Variants in SIX4 observed in about 807,000 individuals in gnomAD.
SIX4 encodes the protein SIX homeobox 4, also known as homeobox protein SIX4.
In SIX4, 23 loss-of-function variants were observed where a neutral mutation model predicts 51.5. The ratio of observed to expected loss-of-function variants is 0.45; its 90% CI spans 0.32 to 0.63. The LOEUF is 0.63. Among genes scored for constraint, SIX4 ranks in the 30% least tolerant of loss-of-function variants. SIX4 has a pLI of 0.04. For missense variants in SIX4, 867 were observed against 984.0 expected (o/e 0.88, Z 1.59); for synonymous variants, 413 against 417.3 (o/e 0.99, Z 0.13).
In SIX4 at chr14:60,712,961, A is replaced by G. The variant is rs998436184; in HGVS notation, c.*446T>C. On this transcript the variant is annotated 3_prime_UTR_variant, in exon 3 of 3. Coordinates refer to ENST00000216513, the MANE Select transcript of SIX4 (RefSeq NM_017420.5). Reference sequence around the variant, plus strand: ...ATGCTACTTAACTTTAAAAATATGTACCATTTATGTTTCTTAACCTTTTCA... The same window carrying G: ...ATGCTACTTAACTTTAAAAATATGTGCCATTTATGTTTCTTAACCTTTTCA... 1 of 154,940 alleles carries G rather than the reference A, an allele frequency of 6.5e-6. No homozygotes were observed. The highest frequency in any genetic ancestry group is 6.4e-5 in the Admixed American group (1 of 15,546). 9.6% of individuals were successfully genotyped at this position (154,940 alleles called of 1,614,324 possible). A position where few individuals can be genotyped will look rare whatever the true frequency, so the allele number is the denominator to read the frequency against.
chr14:60,716,163 C>T (rs1895917086), intron 2 of SIX4, among the ~76,000 whole-genome samples: 1 of 151,816 alleles, frequency 6.6e-6, no homozygotes, highest in African/African-American at 2.4e-5. Flanking sequence ...TCACTGCAGC[C>T]TCGATCTCCT....
chr14:60,720,270 C>T lies in SIX4; in HGVS notation c.1039G>A (p.Gly347Arg). ...GNAKISLSSSGVLLNGSLVPA... is the reference protein window; with the variant it reads ...GNAKISLSSSRVLLNGSLVPA... ...ACCAAGCTTCCATTCAACAGAACTC[C>T]AGAAGAGCTTAATGATATCTTAGCA... Residue 347 changes from glycine (G) to arginine (R), a missense_variant, in exon 2 of 3, where the codon GGA becomes AGA. Gly to Arg is a moderately radical substitution (Grantham distance 125). Transcript: ENST00000216513. The surrounding 1 kb of genome is among the most constrained non-coding windows in gnomAD (Gnocchi z 5.5). 1 of 1,614,150 alleles carries T rather than the reference C, an allele frequency of 6.2e-7. No individual in the cohort carries two copies. The highest frequency in any genetic ancestry group is 1.1e-5 in the South Asian group (1 of 91,078).
In SIX4 at chr14:60,713,676, C is replaced by T; in HGVS notation, c.2077G>A (p.Glu693Lys). 1 of 1,614,208 alleles carries T rather than the reference C, an allele frequency of 6.2e-7. No homozygotes were observed. The highest frequency in any genetic ancestry group is 1.1e-5 in the South Asian group (1 of 91,082). Residue 693 changes from glutamate (E) to lysine (K), a missense_variant, in exon 3 of 3, where the codon GAA (glutamate) becomes AAA (lysine). By Grantham distance (56) the Glu-to-Lys change is moderately conservative. Coordinates refer to ENST00000216513, the MANE Select transcript of SIX4 (RefSeq NM_017420.5). ...AALGEIVPTA[E>K]DQVGHPSPAV... ...GGGGAGGGGTGACCTACCTGATCTT[C>T]AGCTGTAGGAACTATTTCCCCAAGG...
rs754956376 is a variant in SIX4, at chr14:60,720,237, T to C, written c.1072A>G (p.Ser358Gly). 2.5e-6 allele frequency: 4 copies of C among 1,614,224 alleles called. No individual in the cohort carries two copies. The highest frequency in any genetic ancestry group is 3.4e-6 in the Non-Finnish European group (4 of 1,180,034). ...CCATTAAGGAAGACAGGTGAAGTACTTGCAGGTACCAAGCTTCCATTCAAC... is the reference window on the plus strand; with the variant it reads ...CCATTAAGGAAGACAGGTGAAGTACCTGCAGGTACCAAGCTTCCATTCAAC... Reference protein sequence around the residue: ...VLLNGSLVPASTSPVFLNGNS... With the variant: ...VLLNGSLVPAGTSPVFLNGNS... The change falls in exon 2 of 3, where the codon AGT (serine) becomes GGT (glycine). Residue 358 changes from serine (S) to glycine (G), a missense_variant. By Grantham distance (56) the Ser-to-Gly change is moderately conservative. Transcript: ENST00000216513. The surrounding 1 kb of genome is among the most constrained non-coding windows in gnomAD (Gnocchi z 5.5).
Position 60,724,291 on chromosome 14 carries a change from G to A in SIX4, c.-217C>T. On this transcript the variant is annotated 5_prime_UTR_variant, in exon 1 of 3. Coordinates refer to ENST00000216513, the MANE Select transcript of SIX4 (RefSeq NM_017420.5). ...GCTGTTAGAGCAAAGTAGTGTAAACGGATAGCTGCTTTCTGCCGTTCCCCC... is the reference window on the plus strand; with the variant it reads ...GCTGTTAGAGCAAAGTAGTGTAAACAGATAGCTGCTTTCTGCCGTTCCCCC... 1.3e-6 allele frequency: 2 copies of A among 1,526,024 alleles called. No individual in the cohort carries two copies. Among genetic ancestry groups the A allele is most frequent in the Non-Finnish European group, 1.8e-6 (2 of 1,140,862 alleles). 94.5% of individuals were successfully genotyped at this position (1,526,024 alleles called of 1,614,324 possible).
intron 2 of SIX4, among the ~76,000 whole-genome samples, chr14:60,714,725 G>A (rs1895889646): frequency 6.6e-6 from 1 of 151,382 alleles, no homozygotes; most frequent in Non-Finnish European, 1.5e-5. Context: ...GAGTGCAGTG[G>A]AGCGATCTCG....
chr14:60,710,832 G>A lies in SIX4; in HGVS notation c.*2575C>T, dbSNP rs1388681435. On this transcript the variant is annotated 3_prime_UTR_variant, in exon 3 of 3. Coordinates refer to ENST00000216513, the MANE Select transcript of SIX4 (RefSeq NM_017420.5). The stretch of plus-strand genomic sequence containing the variant: ...CATTGATTCTTACCTGGTATATTGT[G>A]TAGCTACCTGAAGTAATTGTAGGGT... 1 of 152,506 alleles carries A rather than the reference G, an allele frequency of 6.6e-6. No homozygotes were observed. The highest frequency in any genetic ancestry group is 2.4e-5 in the African/African-American group (1 of 41,406). 9.4% of individuals were successfully genotyped at this position (152,506 alleles called of 1,614,324 possible).
In SIX4 at chr14:60,724,098, T is replaced by C. The variant is rs753666382; in HGVS notation, c.-24A>G. 15 of 1,571,590 alleles carry C rather than the reference T, an allele frequency of 9.5e-6. No individual in the cohort carries two copies. Among genetic ancestry groups the C allele is most frequent in the African/African-American group, 1.4e-5 (1 of 73,610 alleles). ...ATTTTTTGTTGTTTATTTTCCTCCC[T>C]CCCTCACTCCCTCGCACTCTTTTCC... On this transcript the variant is annotated 5_prime_UTR_variant, in exon 1 of 3. Transcript: ENST00000216513.
At chr14:60,721,257 G>T in intron 1 of SIX4, 34 of 534,140 alleles carry the variant, frequency 6.4e-5, no homozygotes, top group East Asian at 1.5e-4. Flanking sequence ...TCAGCTCTCT[G>T]ACTTGGGAGA....
At position 60,724,258 on chromosome 14, in the gene SIX4, T is replaced by C; in HGVS notation, c.-184A>G. 1 of 1,534,972 alleles carries C rather than the reference T, an allele frequency of 6.5e-7. No individual in the cohort carries two copies. The highest frequency in any genetic ancestry group is 8.7e-7 in the Non-Finnish European group (1 of 1,146,658). On this transcript the variant is annotated 5_prime_UTR_variant, in exon 1 of 3. An upstream start codon of the reference 5' UTR is lost. Coordinates refer to ENST00000216513, the MANE Select transcript of SIX4 (RefSeq NM_017420.5). ...TTTCCCCCCGGCCACGCAGTCACCATTAAGATAGCTGTTAGAGCAAAGTAG... is the reference window on the plus strand; with the variant it reads ...TTTCCCCCCGGCCACGCAGTCACCACTAAGATAGCTGTTAGAGCAAAGTAG...
At position 60,722,522 on chromosome 14, in the gene SIX4, A is replaced by G. The variant is rs531554144; in HGVS notation, c.863+690T>C. The stretch of plus-strand genomic sequence containing the variant: ...GGAGTTCAGAATCAGGTTTCAAAAC[A>G]TGACAGAGCCGAGCTGCACCAGCAC... On this transcript the variant is annotated intron_variant, in intron 1 of 2. Transcript: ENST00000216513. The surrounding 1 kb of genome is among the most constrained non-coding windows in gnomAD (Gnocchi z 5.9). Among the ~76,000 whole-genome samples, 4 of 152,258 alleles carry G rather than the reference A, an allele frequency of 2.6e-5. No individual in the cohort carries two copies. Among genetic ancestry groups the G allele is most frequent in the Admixed American group, 1.3e-4 (2 of 15,300 alleles).
rs1251610104 is a variant in SIX4 at position 60,711,930 on chromosome 14, A to G, written c.*1477T>C. 6.6e-6 allele frequency: 1 copy of G among 152,606 alleles called. No individual in the cohort carries two copies. Among genetic ancestry groups the G allele is most frequent in the Non-Finnish European group, 1.5e-5 (1 of 68,034 alleles). 9.5% of individuals were successfully genotyped at this position (152,606 alleles called of 1,614,324 possible). ...TTACTCACTACATAAATTTATTTGC[A>G]TTGTTACATCTTGTGTTCAGAGTCT... is the stretch of plus-strand genomic sequence containing the variant. On this transcript the variant is annotated 3_prime_UTR_variant, in exon 3 of 3. Coordinates refer to ENST00000216513, the MANE Select transcript of SIX4 (RefSeq NM_017420.5).
rs1327046942 is a variant in SIX4 at position 60,711,485 on chromosome 14, A to T, written c.*1922T>A. 1 of 148,160 alleles carries T rather than the reference A, an allele frequency of 6.7e-6. No individual in the cohort carries two copies. The highest frequency in any genetic ancestry group is 2.5e-5 in the African/African-American group (1 of 40,568). The allele number at this position is 148,160 out of a possible 1,614,324, so 9.2% of individuals were successfully genotyped here. On this transcript the variant is annotated 3_prime_UTR_variant, in exon 3 of 3. Coordinates refer to ENST00000216513, the MANE Select transcript of SIX4 (RefSeq NM_017420.5). ...AGAGTGGGCCCTTTGTTCTGATCAT[A>T]AAAAAAAAAGCAAGATGTGGCCAGG...
chr14:60,716,855 T>C (rs1193096107), intron 2 of SIX4, among the ~76,000 whole-genome samples: 1 of 152,222 alleles, frequency 6.6e-6, no homozygotes, highest in Non-Finnish European at 1.5e-5. Flanking sequence ...TGCAAAGGAA[T>C]GTCTTCAAGT....
At chr14:60,716,050 G>C (rs911613578) in intron 2 of SIX4, among the ~76,000 whole-genome samples, 1 of 151,810 alleles carries the variant, frequency 6.6e-6, no homozygotes, top group Non-Finnish European at 1.5e-5. Flanking sequence ...AGTTTTAGTA[G>C]AGATGGGGTT....
rs1367310547 is a variant in SIX4 at position 60,719,594 on chromosome 14, T to C, written c.1549+166A>G. On this transcript the variant is annotated intron_variant, in intron 2 of 2. Coordinates refer to ENST00000216513, the MANE Select transcript of SIX4 (RefSeq NM_017420.5). The surrounding 1 kb of genome is among the most constrained non-coding windows in gnomAD (Gnocchi z 4.9). ...GGAATAAAGCAACCTGGATATGACA[T>C]GGGTATTGTGAAAGAGGAGAATCAC... 6.6e-6 allele frequency among the ~76,000 whole-genome samples: 1 copy of C among 152,128 alleles called. No homozygotes were observed. Among genetic ancestry groups the C allele is most frequent in the Non-Finnish European group, 1.5e-5 (1 of 68,016 alleles).
At position 60,719,431 on chromosome 14, in the gene SIX4, A is replaced by T. The variant is rs1402858691; in HGVS notation, c.1549+329T>A. 6.6e-6 allele frequency among the ~76,000 whole-genome samples: 1 copy of T among 152,228 alleles called. No individual in the cohort carries two copies. The highest frequency in any genetic ancestry group is 2.4e-5 in the African/African-American group (1 of 41,452). ...AATTTTATTAATTTTTAATATTAAA[A>T]TGCCAAGCAGTGAGTTATTTTGTAA... On this transcript the variant is annotated intron_variant, in intron 2 of 2. Coordinates refer to ENST00000216513, the MANE Select transcript of SIX4 (RefSeq NM_017420.5). The surrounding 1 kb of genome is among the most constrained non-coding windows in gnomAD (Gnocchi z 4.9).
At chr14:60,721,719 A>G (rs1896024101) in intron 1 of SIX4, among the ~76,000 whole-genome samples, 1 of 152,062 alleles carries the variant, frequency 6.6e-6, no homozygotes, top group South Asian at 2.1e-4. Flanking sequence ...GAGGCGGCGG[A>G]GCAGCTGGCC....
rs1481830555 is a variant in SIX4, at chr14:60,712,044, T to C, written c.*1363A>G. ...TTTACTTTTAAAGAAGACATGATAA[T>C]ATAGTGCAAACAACAGTCATGTGTC... On this transcript the variant is annotated 3_prime_UTR_variant, in exon 3 of 3. Coordinates refer to ENST00000216513, the MANE Select transcript of SIX4 (RefSeq NM_017420.5). 1 of 152,626 alleles carries C rather than the reference T, an allele frequency of 6.6e-6. No homozygotes were observed. The highest frequency in any genetic ancestry group is 2.4e-5 in the African/African-American group (1 of 41,450). 9.5% of individuals were successfully genotyped at this position (152,626 alleles called of 1,614,324 possible).
Sources: gnomAD v4.1 joint callset for allele counts (sites outside exome capture counted in the v4.1 genomes callset) on GRCh38, gnomAD v4.1.1 for gene constraint, Gnocchi (gnomAD v3.1) non-coding constraint, MANE v1.5 for transcripts, NCBI Gene and HGNC (gene_info 2026-07-23, HGNC 2026-07-21) for gene names.